The following PCSK5 variants were observed in gnomAD, a reference collection of about 807,000 sequenced individuals.
The protein encoded by PCSK5 is prohormone convertase 5.
In PCSK5, 129 loss-of-function variants were observed where a neutral mutation model predicts 233.2. The ratio of observed to expected loss-of-function variants is 0.55; its 90% CI spans 0.48 to 0.64. The LOEUF (loss-of-function observed/expected upper bound fraction) is 0.64. PCSK5 is among the 30% of genes least tolerant of loss of function. The pLI is 0.00. For synonymous variants in PCSK5, 825 were observed against 879.2 expected (o/e 0.94, Z 1.09); for missense variants, 2,076 against 2,430.1 (o/e 0.85, Z 3.06).
chr9:76,117,407 G>A (rs1431350956), intron 9 of PCSK5, among the ~76,000 whole-genome samples: 5 of 152,090 alleles, frequency 3.3e-5, no homozygotes, highest in African/African-American at 1.2e-4. Flanking sequence ...GAGTAGGAAA[G>A]GATGAATAAT....
chr9:76,335,238 T>G (rs1229132341), intron 34 of PCSK5, among the ~76,000 whole-genome samples: 1 of 152,198 alleles, frequency 6.6e-6, no homozygotes, highest in Non-Finnish European at 1.5e-5. Flanking sequence ...CATCCTGTGA[T>G]CTAAGTAGAA....
intron 5 of PCSK5, among the ~76,000 whole-genome samples, chr9:76,031,009 G>C (rs1828632450): frequency 1.3e-5 from 2 of 152,154 alleles, no homozygotes; most frequent in Admixed American, 1.3e-4. Context: ...ATTTTCACAG[G>C]TGTAACACCA....
At chr9:76,017,887 C>T (rs1828013839) in intron 3 of PCSK5, among the ~76,000 whole-genome samples, 1 of 151,698 alleles carries the variant, frequency 6.6e-6, no homozygotes, top group Admixed American at 6.6e-5. Flanking sequence ...TTTAGAGGCA[C>T]AGAATCTCTA....
chr9:76,243,950 G>T (rs1316880892), intron 24 of PCSK5, among the ~76,000 whole-genome samples: 3 of 152,212 alleles, frequency 2.0e-5, no homozygotes, highest in Non-Finnish European at 4.4e-5. Context: ...TTGGCCAAGT[G>T]CAATGGCTCA....
intron 16 of PCSK5, among the ~76,000 whole-genome samples, chr9:76,184,433 T>TATCA (rs145240007): frequency 0.1 from 15,559 of 151,938 alleles, 994 homozygotes; most frequent in East Asian, 0.22. Context: ...TTAGCTAGGC[T>TATCA]ATCATTTTCT....
chr9:76,220,404 G>C (rs1049470943), intron 20 of PCSK5, among the ~76,000 whole-genome samples: 1 of 151,870 alleles, frequency 6.6e-6, no homozygotes, highest in Middle Eastern at 3.4e-3. Context: ...GTGGGCGCCT[G>C]TAGTCCCAGC....
At chr9:76,282,345 C>A in intron 24 of PCSK5, among the ~76,000 whole-genome samples, 1 of 123,222 alleles carries the variant, frequency 8.1e-6, no homozygotes, top group East Asian at 2.8e-4. Flanking sequence ...TCTTCCTTTT[C>A]TTCTGTCTTT....
intron 9 of PCSK5, among the ~76,000 whole-genome samples, chr9:76,124,823 G>A (rs12347958): frequency 0.015 from 2,269 of 149,560 alleles, 62 homozygotes; most frequent in African/African-American, 0.053. Context: ...CTATGATATC[G>A]ATTCCACCTA....
chr9:76,282,304 T>C (rs527651072), intron 24 of PCSK5, among the ~76,000 whole-genome samples: 19 of 150,074 alleles, frequency 1.3e-4, no homozygotes, highest in Non-Finnish European at 1.8e-4. Flanking sequence ...TTATTTCCAA[T>C]TTTTTCTTTC....
In PCSK5 at chr9:76,093,671, A is replaced by T. The variant is rs139206173; in HGVS notation, c.895-2219A>T. Among the ~76,000 whole-genome samples the T allele has an allele frequency of 3.3e-3, 506 of 151,936 alleles. 2 individuals are homozygous for T. The highest frequency in any genetic ancestry group is 8.5e-3 in the Admixed American group (129 of 15,266). ...CTATCATCTGTGATGGTGCTGTTTA[A>T]ATCAGGTGGGTTTTGCACAATCCCA... On this transcript the variant is annotated intron_variant, in intron 7 of 37. Transcript: ENST00000674117.
intron 10 of PCSK5, among the ~76,000 whole-genome samples, chr9:76,151,872 A>G (rs1157601995): frequency 6.6e-6 from 1 of 152,180 alleles, no homozygotes; most frequent in Non-Finnish European, 1.5e-5. Flanking sequence ...TGAGAACACA[A>G]ATTATTTTCT....
At chr9:76,017,410 G>A (rs1200710428) in intron 3 of PCSK5, among the ~76,000 whole-genome samples, 1 of 152,018 alleles carries the variant, frequency 6.6e-6, no homozygotes. Flanking sequence ...CCCTATATAG[G>A]TGCTGCCATC....
chr9:76,189,496 C>G, intron 19 of PCSK5, 135 bp from the exon 20 acceptor site: 1 of 666,080 alleles, frequency 1.5e-6, no homozygotes, highest in East Asian at 2.7e-5. Context: ...CCTAACCTAG[C>G]AATTGTTGTG....
At chr9:76,285,621 A>G (rs1723511992) in intron 24 of PCSK5, among the ~76,000 whole-genome samples, 1 of 152,138 alleles carries the variant, frequency 6.6e-6, no homozygotes, top group Admixed American at 6.5e-5. Flanking sequence ...ATAGCCAAAG[A>G]TAAGATAGGA....
rs1554671173 is a variant in PCSK5, at chr9:75,996,832, T to TA, written c.411+10588dup. 1.0e-3 allele frequency among the ~76,000 whole-genome samples: 151 copies of TA among 151,726 alleles called. 1 individual carries two copies. The highest frequency in any genetic ancestry group is 1.5e-3 in the Non-Finnish European group (105 of 67,844). The stretch of plus-strand genomic sequence containing the variant: ...TTAACAAAGTTTTTTTTTTTTTTTT[T>TA]ATCAAGATCTTAGCTAAGATTTTTC... On this transcript the variant is annotated intron_variant, in intron 3 of 37. Coordinates refer to ENST00000674117, the MANE Select transcript of PCSK5 (RefSeq NM_001372043.1).
At chr9:75,998,739 C>T (rs1189141915) in intron 3 of PCSK5, among the ~76,000 whole-genome samples, 4 of 152,138 alleles carry the variant, frequency 2.6e-5, no homozygotes, top group African/African-American at 9.7e-5. Flanking sequence ...TGAACATCCA[C>T]GTCTCCATTA....
intron 2 of PCSK5, among the ~76,000 whole-genome samples, chr9:75,973,761 G>A (rs1252223584): frequency 3.3e-5 from 5 of 152,196 alleles, no homozygotes; most frequent in Admixed American, 6.5e-5. Context: ...TCAAGTCACC[G>A]ATGCTCAGTA....
chr9:76,058,186 C>T (rs143374993), intron 5 of PCSK5, among the ~76,000 whole-genome samples: 64 of 152,214 alleles, frequency 4.2e-4, no homozygotes, highest in Admixed American at 1.0e-3. Flanking sequence ...GTTGGTGGGA[C>T]ACCAAGAGAA....
chr9:76,357,457 C>T (rs1050819328), intron 37 of PCSK5, among the ~76,000 whole-genome samples: 19 of 151,966 alleles, frequency 1.3e-4, no homozygotes, highest in African/African-American at 4.4e-4. Flanking sequence ...ACAGAGGCTG[C>T]AGTGAGCCGA....
Sources: allele counts gnomAD v4.1 joint callset (sites outside exome capture counted in the v4.1 genomes callset), GRCh38; gene constraint gnomAD v4.1.1; transcripts MANE v1.5; gene names NCBI Gene and HGNC (gene_info 2026-07-23, HGNC 2026-07-21).